Variants in SLC39A10 observed in about 807,000 individuals in gnomAD.
The protein encoded by SLC39A10 is solute carrier family 39 member 10, also known as zinc transporter ZIP10.
Under a neutral mutation model 65.1 loss-of-function variants are expected in SLC39A10, and 13 were observed. The observed-to-expected ratio is 0.20, with a 90% CI of 0.13 to 0.32. The LOEUF is 0.32. Ranked by LOEUF, SLC39A10 falls within the 10% of genes least tolerant of loss-of-function variation. The pLI is 1.00. For synonymous variants in SLC39A10, 321 were observed against 342.2 expected (o/e 0.94, Z 0.68); for missense variants, 831 against 1,018.4 (o/e 0.82, Z 2.50).
chr2:195,682,021 T>C (rs537390189), intron 2 of SLC39A10, among the ~76,000 whole-genome samples: 1 of 152,300 alleles, frequency 6.6e-6, no homozygotes, highest in East Asian at 1.9e-4. Context: ...AAAGGTATAA[T>C]AATAAGAAAC....
chr2:195,718,184 G>C (rs1237366036), intron 7 of SLC39A10, 68 bp from the exon 8 acceptor site: 1 of 1,278,340 alleles, frequency 7.8e-7, no homozygotes, highest in Non-Finnish European at 1.1e-6. Flanking sequence ...AACTGCATCT[G>C]TCATTAATGA....
At position 195,728,364 on chromosome 2, in the gene SLC39A10, A is replaced by AT. The variant is rs1692318823; in HGVS notation, c.2337+22dup. 3 of 1,602,332 alleles carry AT rather than the reference A, an allele frequency of 1.9e-6. No homozygotes were observed. The highest frequency in any genetic ancestry group is 2.7e-5 in the African/African-American group (2 of 74,672). ...TGGTGGATATGGTAAGATATTTTATATTTTTTTGTGGTACTAAACCTGCAA... is the reference window on the plus strand; with the variant it reads ...TGGTGGATATGGTAAGATATTTTATATTTTTTTTGTGGTACTAAACCTGCAA... On this transcript the variant is annotated intron_variant, in intron 9 of 9. Coordinates refer to ENST00000359634, the MANE Select transcript of SLC39A10 (RefSeq NM_020342.3). This position sits in a 1 kb window ranked among gnomAD's most constrained non-coding sequence, Gnocchi z 4.4.
chr2:195,663,334 A>C (rs1244476151), intron 1 of SLC39A10, among the ~76,000 whole-genome samples: 1 of 152,152 alleles, frequency 6.6e-6, no homozygotes, highest in Non-Finnish European at 1.5e-5. Context: ...GACTCCTTAC[A>C]TTATTTTGCT....
chr2:195,704,569 C>T (rs1691324361), intron 3 of SLC39A10, among the ~76,000 whole-genome samples: 1 of 152,128 alleles, frequency 6.6e-6, no homozygotes, highest in South Asian at 2.1e-4. Context: ...CTACTTCTGA[C>T]TTATTTCATT....
Position 195,680,380 on chromosome 2 carries a change from A to G in SLC39A10, c.338A>G (p.Asp113Gly). 1 of 1,614,142 alleles carries G rather than the reference A, an allele frequency of 6.2e-7. No individual in the cohort carries two copies. The highest frequency in any genetic ancestry group is 8.5e-7 in the Non-Finnish European group (1 of 1,180,030). The change falls in exon 2 of 10, where the codon GAT (aspartate) becomes GGT (glycine). Residue 113 changes from aspartate to glycine, a missense_variant. By Grantham distance (94) the Asp-to-Gly change is moderately conservative. This residue lies in a region of SLC39A10 where 446 missense variants were observed against 499.2 expected (regional missense o/e 0.89). Coordinates refer to ENST00000359634, the MANE Select transcript of SLC39A10 (RefSeq NM_020342.3). ...GGCCACGATCATGTTTCTCATTTAG[A>G]TATTTTGGCAGTTCAAGAGGGAAAG... The part of the protein sequence containing the change: ...DLGHDHVSHL[D>G]ILAVQEGKHF...
intron 3 of SLC39A10, among the ~76,000 whole-genome samples, chr2:195,696,338 T>TA (rs1559038446): frequency 2.1e-5 from 3 of 144,092 alleles, no homozygotes; most frequent in African/African-American, 7.7e-5. Context: ...AAAAAAAACC[T>TA]ATCATTAGGA....
intron 2 of SLC39A10, among the ~76,000 whole-genome samples, chr2:195,616,185 C>T (rs1688202902): frequency 6.6e-6 from 1 of 152,134 alleles, no homozygotes; most frequent in Non-Finnish European, 1.5e-5. Context: ...GAACTCCTGA[C>T]CTCATGTGAT....
chr2:195,732,074 A>T (rs1692449605), intron 9 of SLC39A10, among the ~76,000 whole-genome samples: 1 of 152,174 alleles, frequency 6.6e-6, no homozygotes, highest in African/African-American at 2.4e-5. Flanking sequence ...GGTATTTTCT[A>T]ATGTTAAGTA....
At chr2:195,695,837 A>G (rs1185034202) in intron 3 of SLC39A10, among the ~76,000 whole-genome samples, 28 of 152,010 alleles carry the variant, frequency 1.8e-4, no homozygotes, top group Non-Finnish European at 3.4e-4. Flanking sequence ...CTTTGGTTTC[A>G]TTTTTCAGAA....
At position 195,691,702 on chromosome 2, in the gene SLC39A10, A is replaced by C. The variant is rs1473053523; in HGVS notation, c.1216+7796A>C. On this transcript the variant is annotated intron_variant, in intron 3 of 9. Transcript: ENST00000359634. Reference sequence around the variant, plus strand: ...TCTATTCATGCCCTGAGCCACTTTTAGATGGGATTGTTTGTTTTTCTCTTG... The same window carrying C: ...TCTATTCATGCCCTGAGCCACTTTTCGATGGGATTGTTTGTTTTTCTCTTG... Among the ~76,000 whole-genome samples, 5 of 152,160 alleles carry C rather than the reference A, an allele frequency of 3.3e-5. No individual in the cohort carries two copies. The East Asian group carries it at 9.7e-4, about 29-fold the overall frequency.
intron 2 of SLC39A10, among the ~76,000 whole-genome samples, chr2:195,630,621 C>T (rs967709825): frequency 6.6e-6 from 1 of 152,180 alleles, no homozygotes; most frequent in Non-Finnish European, 1.5e-5. Context: ...ACACACCCAA[C>T]AGTGTAACAA....
At chr2:195,714,623 A>C (rs1180869409) in intron 6 of SLC39A10, among the ~76,000 whole-genome samples, 1 of 152,218 alleles carries the variant, frequency 6.6e-6, no homozygotes, top group East Asian at 1.9e-4. Context: ...GAAGGATTCA[A>C]ATTAGTTAAA....
intron 3 of SLC39A10, among the ~76,000 whole-genome samples, chr2:195,697,688 C>T (rs977639615): frequency 6.7e-6 from 1 of 149,492 alleles, no homozygotes; most frequent in African/African-American, 2.4e-5. Flanking sequence ...TGACAAAGCT[C>T]TAATCTCCAG....
intron 8 of SLC39A10, among the ~76,000 whole-genome samples, chr2:195,721,259 A>T (rs1692027646): frequency 6.6e-6 from 1 of 151,914 alleles, no homozygotes; most frequent in Admixed American, 6.6e-5. Flanking sequence ...ACTTTCAATG[A>T]CCTTCACTTC....
intron 2 of SLC39A10, among the ~76,000 whole-genome samples, chr2:195,623,473 G>A (rs1263327710): frequency 6.6e-6 from 1 of 151,902 alleles, no homozygotes; most frequent in Non-Finnish European, 1.5e-5. Context: ...ACAATTTTTG[G>A]GTTCAGTATG....
intron 4 of SLC39A10, 147 bp downstream of exon 4, chr2:195,706,932 A>G (rs1691420235): frequency 1.8e-6 from 1 of 543,296 alleles, no homozygotes; most frequent in Non-Finnish European, 2.8e-6. Context: ...CTCCATTTTC[A>G]GAGTTTTAAT....
chr2:195,701,631 A>G (rs1296973775), intron 3 of SLC39A10, among the ~76,000 whole-genome samples: 2 of 149,490 alleles, frequency 1.3e-5, no homozygotes, highest in Admixed American at 6.7e-5. Context: ...GGGGAGGGTT[A>G]TTGTTTTATG....
In SLC39A10 at chr2:195,736,613, G is replaced by GTATT. The variant is rs1212333804; in HGVS notation, c.*1576_*1579dup. The GTATT allele has an allele frequency of 6.6e-6, 1 of 152,244 alleles. No homozygotes were observed. Among genetic ancestry groups the GTATT allele is most frequent in the Non-Finnish European group, 1.5e-5 (1 of 68,012 alleles). The allele number at this position is 152,244 out of a possible 1,614,324, so 9.4% of individuals were successfully genotyped here. ...CTTTGAGAGCAGCACATGCATCCAG[G>GTATT]TATTTATAGATTATTGCCAGTGTCT... is the stretch of plus-strand genomic sequence containing the variant. On this transcript the variant is annotated 3_prime_UTR_variant, in exon 10 of 10. Coordinates refer to ENST00000359634, the MANE Select transcript of SLC39A10 (RefSeq NM_020342.3).
intron 2 of SLC39A10, among the ~76,000 whole-genome samples, chr2:195,632,638 A>G (rs569425587): frequency 6.6e-6 from 1 of 152,194 alleles, no homozygotes; most frequent in East Asian, 1.9e-4. Context: ...GTAGTACTTG[A>G]TCTACTGATG....
Sources: gnomAD v4.1 joint callset for allele counts (sites outside exome capture counted in the v4.1 genomes callset) on GRCh38, gnomAD v4.1.1 for gene constraint, gnomAD v4.1.1 regional missense constraint, Gnocchi (gnomAD v3.1) non-coding constraint, MANE v1.5 for transcripts, NCBI Gene and HGNC (gene_info 2026-07-23, HGNC 2026-07-21) for gene names.